The following MED1 variants were observed in gnomAD, a reference collection of about 807,000 sequenced individuals.
MED1 encodes mediator complex subunit 1, also known as mediator of RNA polymerase II transcription subunit 1.
A neutral mutation model predicts 121.3 loss-of-function variants in MED1; 17 were observed. The observed-to-expected ratio is 0.14, with a 90% CI of 0.10 to 0.21. The LOEUF (loss-of-function observed/expected upper bound fraction) is 0.21. MED1 is among the 10% of genes least tolerant of loss of function. The pLI is 1.00. For synonymous variants in MED1, 661 were observed against 694.4 expected (o/e 0.95, Z 0.76); for missense variants, 1,558 against 1,919.4 (o/e 0.81, Z 3.52).
chr17:39,424,044 G>A (rs992507753), intron 11 of MED1, among the ~76,000 whole-genome samples: 11 of 151,926 alleles, frequency 7.2e-5, no homozygotes, highest in Non-Finnish European at 1.3e-4. Context: ...CACCACGCCC[G>A]GCTAATTTTT....
At chr17:39,429,702 TAAAAAAAAAAAAAAAA>T (rs757034804) in intron 9 of MED1, among the ~76,000 whole-genome samples, 1 of 48,966 alleles carries the variant, frequency 2.0e-5, no homozygotes, top group African/African-American at 1.0e-4. Flanking sequence ...CCTAAATGCC[TAAAAAAAAAAAAAAAA>T]AAAAAAAAAG....
chr17:39,443,513 T>C (rs1428477372), intron 3 of MED1, 37 bp downstream of exon 3: 3 of 1,563,330 alleles, frequency 1.9e-6, no homozygotes, highest in Non-Finnish European at 2.6e-6. Flanking sequence ...AACTGGGGGT[T>C]TTGTGAAATC....
chr17:39,410,127 C>G lies in MED1; in HGVS notation c.2094G>C (p.Glu698Asp). ...KKKKSSRLPP[E>D]KPKHQTEDDF... ...CATCTTCAGTCTGGTGCTTTGGTTT[C>G]TCAGGTGGTAATCTTGATGACTTCT... The change falls in exon 17 of 17, where the codon GAG becomes GAC. Residue 698 changes from glutamate (E) to aspartate (D), a missense_variant. By Grantham distance (45) the Glu-to-Asp change is conservative (BLOSUM62 2). Around this residue, in one of 5 missense-constraint regions of MED1, gnomAD observed 793 missense variants for 898.2 expected, o/e 0.88. Coordinates refer to ENST00000300651, the MANE Select transcript of MED1 (RefSeq NM_004774.4). 1 of 1,614,146 alleles carries G rather than the reference C, an allele frequency of 6.2e-7. No individual in the cohort carries two copies. The highest frequency in any genetic ancestry group is 8.5e-7 in the Non-Finnish European group (1 of 1,180,022).
chr17:39,413,289 A>T (rs1443534223), intron 16 of MED1, among the ~76,000 whole-genome samples: 1 of 152,138 alleles, frequency 6.6e-6, no homozygotes, highest in East Asian at 1.9e-4. Context: ...TTGAGACAGA[A>T]TCTCACTCTA....
Position 39,409,977 on chromosome 17 carries a change from G to GGGAGTGCTACACTGGCTTGGAGCT in MED1, c.2220_2243dup (p.Ala741_Pro748dup). 2 of 1,614,100 alleles carry GGGAGTGCTACACTGGCTTGGAGCT rather than the reference G, an allele frequency of 1.2e-6. No homozygotes were observed. The highest frequency in any genetic ancestry group is 1.7e-6 in the Non-Finnish European group (2 of 1,180,018). On this transcript the variant is annotated inframe_insertion, in exon 17 of 17. Coordinates refer to ENST00000300651, the MANE Select transcript of MED1 (RefSeq NM_004774.4). Reference sequence around the variant, plus strand: ...GTACTGGTTGTGGGTAAGTTGTTGGGGGAGTGCTACACTGGCTTGGAGCTG... The same window carrying GGGAGTGCTACACTGGCTTGGAGCT: ...GTACTGGTTGTGGGTAAGTTGTTGGGGGAGTGCTACACTGGCTTGGAGCTGGAGTGCTACACTGGCTTGGAGCTG...
At position 39,406,340 on chromosome 17, in the gene MED1, CCTT is replaced by C. The variant is rs1178529442; in HGVS notation, c.*1132_*1134del. ...CAGTGGAGTGATTAAAGTTTGGACT[CCTT>C]CTCCTTGTGATGAAGAGAAACAGTG... On this transcript the variant is annotated 3_prime_UTR_variant, in exon 17 of 17. Coordinates refer to ENST00000300651, the MANE Select transcript of MED1 (RefSeq NM_004774.4). The C allele has an allele frequency of 3.0e-6, 3 of 985,372 alleles. No homozygotes were observed. The highest frequency in any genetic ancestry group is 4.7e-5 in the South Asian group (1 of 21,282). 61.0% of individuals were successfully genotyped at this position (985,372 alleles called of 1,614,324 possible).
intron 14 of MED1, 139 bp downstream of exon 14, chr17:39,419,578 G>T (rs1597858136): frequency 2.6e-6 from 2 of 764,266 alleles, no homozygotes; most frequent in Non-Finnish European, 4.1e-6. Context: ...CAGCTAATTT[G>T]CTTGATTTTT....
chr17:39,405,310 T>G lies in MED1; in HGVS notation c.*2165A>C. On this transcript the variant is annotated 3_prime_UTR_variant, in exon 17 of 17. Transcript: ENST00000300651. ...GATCCTAACTCGGGATTCTTTGATC[T>G]GGGATGAAGACAGAAAGAGAGAAAA... 2 of 1,603,568 alleles carry G rather than the reference T, an allele frequency of 1.2e-6. No homozygotes were observed. Among genetic ancestry groups the G allele is most frequent in the African/African-American group, 2.7e-5 (2 of 74,912 alleles).
rs762646487 is a variant in MED1 at position 39,419,733 on chromosome 17, T to C, written c.1281A>G (p.Arg427=). The stretch of plus-strand genomic sequence containing the variant: ...AGGCAGTACCTTCTTTCAGAATAGT[T>C]CTTTTGACACAGCTTCCAATGAGGG... ...YNTLIGSCVK[R]TILKEDSPGL... Residue 427 remains arginine, a synonymous_variant, in exon 14 of 17, where the codon AGA becomes AGG. Transcript: ENST00000300651. The C allele has an allele frequency of 6.2e-7, 1 of 1,612,820 alleles. No homozygotes were observed. The highest frequency in any genetic ancestry group is 1.1e-5 in the South Asian group (1 of 91,056).
chr17:39,438,763 G>T (rs754050152), intron 6 of MED1, among the ~76,000 whole-genome samples: 3 of 152,012 alleles, frequency 2.0e-5, no homozygotes, highest in Non-Finnish European at 2.9e-5. Context: ...GTGAGCCACC[G>T]CACCCAGCCA....
chr17:39,432,513 C>T (rs144903106), intron 7 of MED1, among the ~76,000 whole-genome samples: 57 of 149,944 alleles, frequency 3.8e-4, no homozygotes, highest in African/African-American at 1.3e-3. Flanking sequence ...TTTGGGAAGC[C>T]GAGGAGGGCA....
chr17:39,420,203 T>G (rs2048448083), intron 13 of MED1, among the ~76,000 whole-genome samples: 1 of 149,518 alleles, frequency 6.7e-6, no homozygotes, highest in East Asian at 1.9e-4. Flanking sequence ...ATCTCTTTTT[T>G]TTTTTTTTTT....
chr17:39,435,015 A>C (rs912855852), intron 6 of MED1, among the ~76,000 whole-genome samples: 3 of 152,056 alleles, frequency 2.0e-5, no homozygotes, highest in African/African-American at 7.2e-5. Flanking sequence ...AATACAAAAA[A>C]AAATTAGCCG....
chr17:39,439,159 G>A lies in MED1; in HGVS notation c.428+6C>T. The A allele has an allele frequency of 1.9e-6, 3 of 1,593,042 alleles. No individual in the cohort carries two copies. The highest frequency in any genetic ancestry group is 2.6e-6 in the Non-Finnish European group (3 of 1,175,184). ...ATATCAAGGAATATAAATCGTATTTGCTCACCTTAGCTGCTGTACAAGCTC... is the reference window on the plus strand; with the variant it reads ...ATATCAAGGAATATAAATCGTATTTACTCACCTTAGCTGCTGTACAAGCTC... On this transcript the variant is annotated splice_donor_region_variant and intron_variant, in intron 6 of 16. Coordinates refer to ENST00000300651, the MANE Select transcript of MED1 (RefSeq NM_004774.4).
chr17:39,408,565 G>A lies in MED1; in HGVS notation c.3656C>T (p.Ser1219Phe), dbSNP rs750056860. The A allele has an allele frequency of 1.1e-5, 17 of 1,614,230 alleles. No homozygotes were observed. The highest frequency in any genetic ancestry group is 1.7e-5 in the Admixed American group (1 of 60,026). ...TGAACTGATAGGGGACTTGGCTTTA[G>A]AGGATGGAGGAGTTCCAGGAACAGG... ...MKPVPGTPPS[S>F]KAKSPISSGS... The change falls in exon 17 of 17, where the codon TCT becomes TTT. Residue 1219 changes from serine to phenylalanine, a missense_variant. This residue lies in a region of MED1 where 793 missense variants were observed against 898.2 expected (regional missense o/e 0.88). Transcript: ENST00000300651. This position sits in a 1 kb window ranked among gnomAD's most constrained non-coding sequence, Gnocchi z 4.7.
In MED1 at chr17:39,409,436, C is replaced by T; in HGVS notation, c.2785G>A (p.Val929Ile). ...KFKGNNQADT[V>I]DFSIISVAGK... ...GCTACTGAAATAATACTGAAATCAA[C>T]TGTGTCGGCTTGGTTATTGCCCTTA... The change falls in exon 17 of 17, where the codon GTT becomes ATT. Residue 929 changes from valine to isoleucine, a missense_variant. Val to Ile is a conservative substitution (Grantham distance 29, BLOSUM62 3). Around this residue, in one of 5 missense-constraint regions of MED1, gnomAD observed 793 missense variants for 898.2 expected, o/e 0.88. Coordinates refer to ENST00000300651, the MANE Select transcript of MED1 (RefSeq NM_004774.4). 6.2e-7 allele frequency: 1 copy of T among 1,614,176 alleles called. No individual in the cohort carries two copies. Among genetic ancestry groups the T allele is most frequent in the Non-Finnish European group, 8.5e-7 (1 of 1,180,038 alleles).
intron 9 of MED1, 72 bp downstream of exon 9, chr17:39,431,043 G>A: frequency 1.5e-6 from 2 of 1,343,352 alleles, no homozygotes; most frequent in South Asian, 1.2e-5. Context: ...ACAAACTAAA[G>A]GTGAAATGAA....
intron 1 of MED1, among the ~76,000 whole-genome samples, chr17:39,448,993 T>A (rs183354596): frequency 6.6e-6 from 1 of 151,848 alleles, no homozygotes; most frequent in East Asian, 1.9e-4. Flanking sequence ...GAAGTTTCCA[T>A]TTTTACACTT....
At chr17:39,449,883 T>G (rs953812450) in intron 1 of MED1, among the ~76,000 whole-genome samples, 1 of 146,230 alleles carries the variant, frequency 6.8e-6, no homozygotes, top group African/African-American at 2.5e-5. Context: ...GGCGCAGTCT[T>G]GGCTCACCAC....
Sources: gnomAD v4.1 joint callset for allele counts (sites outside exome capture counted in the v4.1 genomes callset) on GRCh38, gnomAD v4.1.1 for gene constraint, gnomAD v4.1.1 regional missense constraint, Gnocchi (gnomAD v3.1) non-coding constraint, MANE v1.5 for transcripts, NCBI Gene and HGNC (gene_info 2026-07-23, HGNC 2026-07-21) for gene names.